FAM135B: variants seen among roughly 807,000 people sequenced by gnomAD.
The protein encoded by FAM135B is protein FAM135B.
In FAM135B, 43 loss-of-function variants were observed where a neutral mutation model predicts 127.7. That is an observed-to-expected ratio of 0.34 (90% CI 0.26 to 0.43). FAM135B has a LOEUF of 0.43. Ranked by LOEUF, FAM135B falls within the 20% of genes least tolerant of loss-of-function variation. The pLI, the probability that FAM135B is intolerant of heterozygous loss-of-function variation, is 1.00. For synonymous variants in FAM135B, 670 were observed against 665.1 expected, an observed-to-expected ratio of 1.01 and a Z score of -0.11; for missense variants, 1,558 against 1,725.6, an observed-to-expected ratio of 0.90 and a Z score of 1.72.
chr8:138,173,040 T>C (rs1481251648), intron 11 of FAM135B, among the ~76,000 whole-genome samples: 1 of 152,114 alleles, frequency 6.6e-6, no homozygotes, highest in Non-Finnish European at 1.5e-5. Context: ...AATGACACTC[T>C]AGGGGAGCGG....
intron 9 of FAM135B, among the ~76,000 whole-genome samples, chr8:138,182,659 CT>C (rs1236858301): frequency 6.6e-6 from 1 of 152,208 alleles, no homozygotes; most frequent in Admixed American, 6.5e-5. Flanking sequence ...GAGATATATA[CT>C]GAGTACTGTA....
intron 7 of FAM135B, among the ~76,000 whole-genome samples, chr8:138,228,848 C>T (rs1819679333): frequency 3.3e-5 from 5 of 152,162 alleles, no homozygotes; most frequent in Non-Finnish European, 5.9e-5. Context: ...TCCAGCCATC[C>T]GGCTGCAGCA....
At chr8:138,161,783 G>T (rs987171471) in intron 12 of FAM135B, among the ~76,000 whole-genome samples, 2 of 152,124 alleles carry the variant, frequency 1.3e-5, no homozygotes, top group African/African-American at 4.8e-5. Flanking sequence ...ACGACCTACC[G>T]CAAGTTAGAC....
chr8:138,403,125 T>C (rs1833244804), intron 1 of FAM135B, among the ~76,000 whole-genome samples: 1 of 152,210 alleles, frequency 6.6e-6, no homozygotes, highest in Admixed American at 6.5e-5. Context: ...TCTATGGTAT[T>C]TGTTATAGCA....
rs1820930086 is a variant in FAM135B at position 138,242,790 on chromosome 8, A to G, written c.669+152T>C. 9.9e-7 allele frequency: 1 copy of G among 1,014,050 alleles called. No homozygotes were observed. Among genetic ancestry groups the G allele is most frequent in the South Asian group, 1.9e-5 (1 of 52,876 alleles). 62.8% of individuals were successfully genotyped at this position (1,014,050 alleles called of 1,614,324 possible). A position where few individuals can be genotyped will look rare whatever the true frequency, so the allele number is the denominator to read the frequency against. On this transcript the variant is annotated intron_variant, in intron 7 of 19. Coordinates refer to ENST00000395297, the MANE Select transcript of FAM135B (RefSeq NM_015912.4). The surrounding 1 kb of genome is among the most constrained non-coding windows in gnomAD (Gnocchi z 9.6). ...TATGTCTGATAGAGCTTGTAGTGATAAAAACAAGGGGTGGGAAGATGGTGA... is the reference window on the plus strand; with the variant it reads ...TATGTCTGATAGAGCTTGTAGTGATGAAAACAAGGGGTGGGAAGATGGTGA...
intron 2 of FAM135B, among the ~76,000 whole-genome samples, chr8:138,317,727 G>C (rs1364176128): frequency 6.6e-6 from 1 of 152,208 alleles, no homozygotes; most frequent in Non-Finnish European, 1.5e-5. Context: ...TTACAAAAAT[G>C]AAATTGTAAG....
intron 2 of FAM135B, among the ~76,000 whole-genome samples, chr8:138,324,099 G>A (rs948438515): frequency 1.3e-5 from 2 of 152,142 alleles, no homozygotes; most frequent in African/African-American, 2.4e-5. Context: ...GCAAATCCCC[G>A]TGTCCCAGCC....
At position 138,141,170 on chromosome 8, in the gene FAM135B, G is replaced by A. The variant is rs200377824; in HGVS notation, c.3790+28C>T. Reference sequence around the variant, plus strand: ...CCCAGAGGCCCCAGATTAATTCTGAGGAATGACGAGTCCTAGAAGAATCTT... The same window carrying A: ...CCCAGAGGCCCCAGATTAATTCTGAAGAATGACGAGTCCTAGAAGAATCTT... On this transcript the variant is annotated intron_variant, in intron 17 of 19. Coordinates refer to ENST00000395297, the MANE Select transcript of FAM135B (RefSeq NM_015912.4). The surrounding 1 kb of genome is among the most constrained non-coding windows in gnomAD (Gnocchi z 4.7). The A allele has an allele frequency of 4.5e-5, 73 of 1,611,568 alleles. No homozygotes were observed. The highest frequency in any genetic ancestry group is 5.9e-5 in the Non-Finnish European group (69 of 1,178,480).
chr8:138,457,162 G>C (rs1836831546), intron 1 of FAM135B, among the ~76,000 whole-genome samples: 1 of 152,116 alleles, frequency 6.6e-6, no homozygotes, highest in Admixed American at 6.6e-5. Context: ...GCAGGAGCCA[G>C]AAGAAAAGGA....
intron 12 of FAM135B, among the ~76,000 whole-genome samples, chr8:138,164,280 C>T (rs1411481016): frequency 6.6e-6 from 1 of 152,094 alleles, no homozygotes; most frequent in Non-Finnish European, 1.5e-5. Context: ...ATAGAGAAGG[C>T]TCAGGTCAGA....
intron 1 of FAM135B, among the ~76,000 whole-genome samples, chr8:138,458,007 T>C (rs1836901150): frequency 6.7e-6 from 1 of 150,068 alleles, no homozygotes; most frequent in Non-Finnish European, 1.5e-5. Context: ...AGAAAAAAAC[T>C]TAGCTGGATG....
At chr8:138,328,891 T>C (rs371216506) in intron 2 of FAM135B, among the ~76,000 whole-genome samples, 106 of 152,266 alleles carry the variant, frequency 7.0e-4, no homozygotes, top group African/African-American at 2.3e-3. Context: ...TATGAGACTA[T>C]TTGATGCAAG....
chr8:138,467,309 T>TGGA lies in FAM135B; in HGVS notation c.-20+29359_-20+29361dup, dbSNP rs200079989. On this transcript the variant is annotated intron_variant, in intron 1 of 19. Coordinates refer to ENST00000395297, the MANE Select transcript of FAM135B (RefSeq NM_015912.4). ...TCAAACATCTCGGAGGCATAGTTGC[T>TGGA]GGACTATTTAACTTATTGAAGGCCC... Among the ~76,000 whole-genome samples the TGGA allele has an allele frequency of 9.9e-3, 1,506 of 152,352 alleles. 11 individuals carry two copies. The highest frequency in any genetic ancestry group is 0.024 in the Middle Eastern group (7 of 294).
intron 1 of FAM135B, among the ~76,000 whole-genome samples, chr8:138,443,420 T>A (rs1164159302): frequency 1.3e-5 from 2 of 152,128 alleles, no homozygotes; most frequent in Non-Finnish European, 2.9e-5. Flanking sequence ...TCCACTTAAA[T>A]ACCTGGGTCT....
intron 5 of FAM135B, 135 bp from the exon 6 acceptor site, chr8:138,251,149 G>T (rs1821671624): frequency 1.9e-6 from 2 of 1,030,572 alleles, no homozygotes; most frequent in Non-Finnish European, 2.8e-6. Flanking sequence ...CAAATGCTCT[G>T]CCTGGTAGAA....
At chr8:138,337,568 T>G (rs1828701084) in intron 2 of FAM135B, among the ~76,000 whole-genome samples, 1 of 152,026 alleles carries the variant, frequency 6.6e-6, no homozygotes, top group South Asian at 2.1e-4. Context: ...GAAGGATCTC[T>G]TCAAGAAGAA....
intron 3 of FAM135B, among the ~76,000 whole-genome samples, chr8:138,308,445 G>A (rs1826425738): frequency 6.6e-6 from 1 of 152,106 alleles, no homozygotes. Flanking sequence ...AGTATAATTG[G>A]AAAATTCACC....
intron 2 of FAM135B, among the ~76,000 whole-genome samples, chr8:138,343,199 C>T (rs1376806168): frequency 6.6e-6 from 1 of 152,214 alleles, no homozygotes; most frequent in Non-Finnish European, 1.5e-5. Flanking sequence ...AAGGTGGCTG[C>T]CCCACTGAAG....
intron 2 of FAM135B, among the ~76,000 whole-genome samples, chr8:138,359,240 G>A (rs1452829405): frequency 6.6e-6 from 1 of 152,162 alleles, no homozygotes; most frequent in African/African-American, 2.4e-5. Flanking sequence ...AAGACTCAGA[G>A]ATGAACAAGG....
Sources: gnomAD v4.1 joint callset for allele counts (sites outside exome capture counted in the v4.1 genomes callset) on GRCh38, gnomAD v4.1.1 for gene constraint, Gnocchi (gnomAD v3.1) non-coding constraint, MANE v1.5 for transcripts, NCBI Gene and HGNC (gene_info 2026-07-23, HGNC 2026-07-21) for gene names.